Variants in DNER observed in about 807,000 individuals in gnomAD.
DNER encodes delta/notch like EGF repeat containing, also known as delta and Notch-like epidermal growth factor-related receptor.
In DNER, 33 loss-of-function variants were observed where a neutral mutation model predicts 78.2. That is an observed-to-expected ratio of 0.42 (90% confidence interval 0.32 to 0.56). The LOEUF (loss-of-function observed/expected upper bound fraction) is 0.56. DNER is among the 20% of genes least tolerant of loss of function. DNER has a pLI of 0.11. For missense variants in DNER, 918 were observed against 975.3 expected (o/e 0.94, Z 0.78); for synonymous variants, 417 against 384.8 (o/e 1.08, Z -0.98).
chr2:229,472,145 T>C (rs1393123172), intron 7 of DNER, among the ~76,000 whole-genome samples: 1 of 152,264 alleles, frequency 6.6e-6, no homozygotes, highest in Non-Finnish European at 1.5e-5. Context: ...ACAAAATCTA[T>C]GTATTCCATA....
chr2:229,672,342 G>C (rs1279508100), intron 1 of DNER, among the ~76,000 whole-genome samples: 1 of 152,008 alleles, frequency 6.6e-6, no homozygotes, highest in East Asian at 1.9e-4. Context: ...CCTCAGAGCA[G>C]CCGGACTTTT....
At chr2:229,389,666 T>C (rs536147777) in intron 10 of DNER, among the ~76,000 whole-genome samples, 10 of 152,214 alleles carry the variant, frequency 6.6e-5, no homozygotes, top group Admixed American at 2.6e-4. Flanking sequence ...CTATCTGCTA[T>C]TGGTTTACCT....
chr2:229,623,792 G>A (rs866348782), intron 1 of DNER, among the ~76,000 whole-genome samples: 3 of 152,162 alleles, frequency 2.0e-5, no homozygotes, highest in Admixed American at 6.5e-5. Flanking sequence ...CTGCCTTAGG[G>A]CATTGCTTCC....
intron 1 of DNER, among the ~76,000 whole-genome samples, chr2:229,605,094 T>C (rs1697908883): frequency 6.6e-6 from 1 of 152,020 alleles, no homozygotes; most frequent in Admixed American, 6.5e-5. Context: ...AGGACCTTCG[T>C]AGTTATGAAA....
At chr2:229,492,502 A>G (rs1383759958) in intron 6 of DNER, among the ~76,000 whole-genome samples, 1 of 152,090 alleles carries the variant, frequency 6.6e-6, no homozygotes, top group Admixed American at 6.5e-5. Flanking sequence ...ACACTCTTTG[A>G]CTCAAAGATG....
intron 1 of DNER, among the ~76,000 whole-genome samples, chr2:229,663,818 AG>A (rs1699046414): frequency 6.6e-6 from 1 of 152,128 alleles, no homozygotes; most frequent in Non-Finnish European, 1.5e-5. Flanking sequence ...AGTAGAGGAT[AG>A]GGGTGCAATT....
intron 8 of DNER, among the ~76,000 whole-genome samples, chr2:229,431,031 AAAG>A (rs1225881602): frequency 2.6e-5 from 4 of 152,188 alleles, no homozygotes; most frequent in Non-Finnish European, 4.4e-5. Flanking sequence ...TTGTTTTTTA[AAAG>A]AAGAATTATA....
intron 1 of DNER, among the ~76,000 whole-genome samples, chr2:229,693,067 C>T (rs916661151): frequency 6.6e-6 from 1 of 151,792 alleles, no homozygotes; most frequent in African/African-American, 2.4e-5. Flanking sequence ...ACTGTAGTTC[C>T]CATAATCCCC....
intron 1 of DNER, among the ~76,000 whole-genome samples, chr2:229,713,585 G>A (rs1699941957): frequency 6.6e-6 from 1 of 152,258 alleles, no homozygotes; most frequent in South Asian, 2.1e-4. Flanking sequence ...AGGGGAGGCA[G>A]CTGCCCTCCT....
intron 5 of DNER, among the ~76,000 whole-genome samples, chr2:229,521,971 T>C (rs907713436): frequency 2.0e-5 from 3 of 152,204 alleles, no homozygotes; most frequent in Admixed American, 2.0e-4. Context: ...TTCTTAGATA[T>C]ACTATCATTC....
chr2:229,514,047 T>C (rs1695923930), intron 5 of DNER, among the ~76,000 whole-genome samples: 1 of 152,194 alleles, frequency 6.6e-6, no homozygotes, highest in Non-Finnish European at 1.5e-5. Flanking sequence ...TCCATTCTTC[T>C]CTTTAGTACA....
At chr2:229,494,451 C>G (rs1435215644) in intron 6 of DNER, among the ~76,000 whole-genome samples, 1 of 152,180 alleles carries the variant, frequency 6.6e-6, no homozygotes, top group African/African-American at 2.4e-5. Flanking sequence ...GGTGGCAAGT[C>G]CCAAGCAAGT....
chr2:229,548,777 CT>C (rs1696672179), intron 4 of DNER, among the ~76,000 whole-genome samples: 1 of 152,000 alleles, frequency 6.6e-6, no homozygotes, highest in African/African-American at 2.4e-5. Context: ...ACAAAAAAAC[CT>C]TTAAAACTTC....
At chr2:229,424,627 G>A (rs930096027) in intron 8 of DNER, among the ~76,000 whole-genome samples, 4 of 152,014 alleles carry the variant, frequency 2.6e-5, no homozygotes, top group African/African-American at 4.8e-5. Context: ...TAAGGACACC[G>A]GTGCTATTGT....
At chr2:229,460,258 G>A (rs537494525) in intron 7 of DNER, among the ~76,000 whole-genome samples, 3 of 149,836 alleles carry the variant, frequency 2.0e-5, no homozygotes, top group Admixed American at 6.7e-5. Context: ...AAATAATTCA[G>A]ATATCAAATT....
intron 1 of DNER, among the ~76,000 whole-genome samples, chr2:229,666,170 T>C (rs1379418508): frequency 1.3e-5 from 2 of 152,206 alleles, no homozygotes; most frequent in Non-Finnish European, 2.9e-5. Context: ...TCATTCATTA[T>C]GCTCTTTAAT....
Position 229,528,825 on chromosome 2 carries a change from C to T in DNER, c.994-15889G>A, listed in dbSNP as rs140864067. Among the ~76,000 whole-genome samples the T allele has an allele frequency of 2.0e-5, 3 of 152,240 alleles. No individual in the cohort carries two copies. The East Asian group carries it at 5.8e-4, about 29-fold the overall frequency. On this transcript the variant is annotated intron_variant, in intron 5 of 12. Coordinates refer to ENST00000341772, the MANE Select transcript of DNER (RefSeq NM_139072.4). Reference sequence around the variant, plus strand: ...GCAGTGCTAAAAATTATCTAAATTCCAACCCTTACTGAGATTGTGTCGCTT... The same window carrying T: ...GCAGTGCTAAAAATTATCTAAATTCTAACCCTTACTGAGATTGTGTCGCTT...
At chr2:229,360,623 A>C (rs142475435) in intron 12 of DNER, among the ~76,000 whole-genome samples, 1,582 of 152,260 alleles carry the variant, frequency 0.01, 12 homozygotes, top group Non-Finnish European at 0.012. Flanking sequence ...TGTGTTAGCC[A>C]GGATGGTCTC....
chr2:229,411,557 A>C (rs76999086), intron 9 of DNER, among the ~76,000 whole-genome samples: 2 of 141,292 alleles, frequency 1.4e-5, no homozygotes, highest in Non-Finnish European at 3.2e-5. Context: ...ACTCTGTTTC[A>C]AAAAAAAAAG....
Sources: gnomAD v4.1 joint callset for allele counts (sites outside exome capture counted in the v4.1 genomes callset) on GRCh38, gnomAD v4.1.1 for gene constraint, MANE v1.5 for transcripts, NCBI Gene and HGNC (gene_info 2026-07-23, HGNC 2026-07-21) for gene names.